The following CCDC77 variants were observed in gnomAD, a reference collection of about 807,000 sequenced individuals.
CCDC77 encodes the protein coiled-coil domain-containing protein 77.
In CCDC77, 56 loss-of-function variants were observed where a neutral mutation model predicts 66.8. The observed-to-expected ratio is 0.84, with a 90% CI of 0.68 to 1.05. The LOEUF is 1.05. Ranked by LOEUF, CCDC77 falls within the 50% of genes least tolerant of loss-of-function variation. The probability of loss-of-function intolerance (pLI) is 0.00; values close to 1 mark genes in which losing one functional copy is unlikely to be tolerated. For synonymous variants in CCDC77, 196 were observed against 195.2 expected (o/e 1.00, Z -0.03); for missense variants, 570 against 576.8 (o/e 0.99, Z 0.12).
chr12:407,782 A>ACT (rs1945023816), intron 2 of CCDC77, among the ~76,000 whole-genome samples: 1 of 100,436 alleles, frequency 1.0e-5, no homozygotes, highest in African/African-American at 4.0e-5. Flanking sequence ...AGGACTGAAG[A>ACT]TTTTTTTTTT....
At chr12:406,185 C>T (rs1944986546) in intron 2 of CCDC77, among the ~76,000 whole-genome samples, 1 of 152,108 alleles carries the variant, frequency 6.6e-6, no homozygotes, top group Non-Finnish European at 1.5e-5. Context: ...GCTGAGATTA[C>T]AGGCGTGAGC....
At chr12:389,571 C>CAACGAGGCGGGGCGAGGCGG (rs1555141791) in intron 1 of CCDC77, 3 of 223,942 alleles carry the variant, frequency 1.3e-5, no homozygotes, top group Admixed American at 5.5e-5. Context: ...GGGCGAGGCG[C>CAACGAGGCGGGGCGAGGCGG]AACGAGGCGG....
chr12:427,017 C>G (rs536324188), intron 5 of CCDC77, among the ~76,000 whole-genome samples: 16 of 152,036 alleles, frequency 1.1e-4, no homozygotes, highest in African/African-American at 3.1e-4. Context: ...GTGGCTGAGG[C>G]GGGCAGATCA....
At position 428,279 on chromosome 12, in the gene CCDC77, G is replaced by A. The variant is rs142686752; in HGVS notation, c.414-490G>A. Among the ~76,000 whole-genome samples the A allele has an allele frequency of 3.1e-3, 473 of 152,210 alleles. 12 individuals are homozygous for A. The East Asian group carries it at 0.067, about 22-fold the overall frequency. On this transcript the variant is annotated intron_variant, in intron 5 of 12. Transcript: ENST00000239830. ...TGTAATCCCAGCACTTTGGGAGGCC[G>A]AGGCAGGCAGATCACGAGGTCAGGA...
At position 411,860 on chromosome 12, in the gene CCDC77, A is replaced by G. The variant is rs1945118278; in HGVS notation, c.152A>G (p.Lys51Arg). ...PLPSPEDRLA[K>R]LHPSKELLEY... is the part of the protein sequence containing the mutation. ...CCTTCCCCCGAAGATCGTCTGGCCA[A>G]ACTCCATCCTTCTAAGGAGCTCCTG... Residue 51 changes from lysine (K) to arginine (R), a missense_variant, in exon 4 of 13, where the codon AAA becomes AGA. Transcript: ENST00000239830. The G allele has an allele frequency of 6.2e-7, 1 of 1,613,938 alleles. No individual in the cohort carries two copies. The highest frequency in any genetic ancestry group is 1.3e-5 in the African/African-American group (1 of 74,876).
At chr12:403,576 C>T (rs142107893) in intron 1 of CCDC77, among the ~76,000 whole-genome samples, 2 of 152,342 alleles carry the variant, frequency 1.3e-5, no homozygotes, top group African/African-American at 4.8e-5. Flanking sequence ...TCAGTGCAGC[C>T]TCTGCCTCCC....
At chr12:423,500 T>TTTG (rs1565572301) in intron 5 of CCDC77, among the ~76,000 whole-genome samples, 8 of 83,776 alleles carry the variant, frequency 9.5e-5, no homozygotes, top group Non-Finnish European at 1.6e-4. Flanking sequence ...TTTTGTTTTT[T>TTTG]TTTTTTTTTT....
chr12:434,225 T>C (rs1036399076), intron 9 of CCDC77, among the ~76,000 whole-genome samples: 26 of 152,160 alleles, frequency 1.7e-4, no homozygotes, highest in Non-Finnish European at 3.1e-4. Flanking sequence ...AACTCTGTCC[T>C]CATTGTTTTT....
At chr12:409,251 T>C in intron 2 of CCDC77, 117 bp from the exon 3 acceptor site, 1 of 671,992 alleles carries the variant, frequency 1.5e-6, no homozygotes, top group Non-Finnish European at 2.6e-6. Context: ...TTTTAAAACA[T>C]CAGATTCTTT....
chr12:392,461 A>C (rs1944768312), intron 1 of CCDC77, among the ~76,000 whole-genome samples: 1 of 152,074 alleles, frequency 6.6e-6, no homozygotes, highest in African/African-American at 2.4e-5. Flanking sequence ...AAAATTATTG[A>C]GGCCAGGCAC....
chr12:398,071 G>A (rs555368256), upstream of CCDC77, among the ~76,000 whole-genome samples: 1 of 152,300 alleles, frequency 6.6e-6, no homozygotes, highest in East Asian at 1.9e-4. Context: ...GCTAAAGGCT[G>A]GGGTGGCTGT....
chr12:397,777 G>T (rs1336569667), upstream of CCDC77, among the ~76,000 whole-genome samples: 4 of 151,886 alleles, frequency 2.6e-5, no homozygotes, highest in Non-Finnish European at 5.9e-5. Context: ...CTCCCGAGCA[G>T]CTGGGACTAC....
At chr12:426,916 G>A (rs1035678764) in intron 5 of CCDC77, among the ~76,000 whole-genome samples, 1 of 152,098 alleles carries the variant, frequency 6.6e-6, no homozygotes, top group Non-Finnish European at 1.5e-5. Context: ...GTGTCGCAGG[G>A]TCTTACCTTC....
intron 5 of CCDC77, among the ~76,000 whole-genome samples, chr12:426,563 T>G (rs765537215): frequency 3.3e-5 from 5 of 152,200 alleles, no homozygotes; most frequent in Non-Finnish European, 7.4e-5. Flanking sequence ...TCACTTAGCT[T>G]GCCCCAGAAG....
intron 4 of CCDC77, among the ~76,000 whole-genome samples, chr12:413,941 A>T (rs1945170302): frequency 6.6e-6 from 1 of 150,902 alleles, no homozygotes; most frequent in South Asian, 2.1e-4. Context: ...AAATGTCTTG[A>T]CTGCAGTTTC....
chr12:396,770 G>A (rs531421418), upstream of CCDC77, among the ~76,000 whole-genome samples: 23 of 152,338 alleles, frequency 1.5e-4, 1 homozygote, highest in South Asian at 4.6e-3. Context: ...GTGTTCAGGA[G>A]ATGACCACAT....
chr12:417,412 T>C (rs181862386), intron 4 of CCDC77, among the ~76,000 whole-genome samples: 1 of 152,224 alleles, frequency 6.6e-6, no homozygotes, highest in African/African-American at 2.4e-5. Flanking sequence ...GCGCTTTGAT[T>C]TCCCAAACAG....
At chr12:390,217 A>G (rs1944731397) in intron 1 of CCDC77, 1 of 151,636 alleles carries the variant, frequency 6.6e-6, no homozygotes, top group African/African-American at 2.4e-5. Flanking sequence ...CCCCGTTACC[A>G]GTATCCTAAT....
intron 1 of CCDC77, among the ~76,000 whole-genome samples, chr12:403,818 T>A (rs1944941572): frequency 6.6e-6 from 1 of 152,150 alleles, no homozygotes; most frequent in Admixed American, 6.6e-5. Flanking sequence ...TGAGACAGGG[T>A]CTTGCGCTGT....
Sources: allele counts gnomAD v4.1 joint callset (sites outside exome capture counted in the v4.1 genomes callset), GRCh38; gene constraint gnomAD v4.1.1; transcripts MANE v1.5; gene names NCBI Gene and HGNC (gene_info 2026-07-23, HGNC 2026-07-21).